LRSAM1: variants seen among roughly 807,000 people sequenced by gnomAD.
LRSAM1 encodes leucine rich repeat and sterile alpha motif containing 1, also known as E3 ubiquitin-protein ligase LRSAM1.
Under a neutral mutation model 118.1 loss-of-function variants are expected in LRSAM1, and 96 were observed. The ratio of observed to expected loss-of-function variants is 0.81; its 90% CI spans 0.69 to 0.96. The LOEUF is 0.96. Ranked by LOEUF, LRSAM1 falls within the 40% of genes least tolerant of loss-of-function variation. The pLI is 0.00. For missense variants in LRSAM1, 804 were observed against 915.5 expected, an observed-to-expected ratio of 0.88 and a Z score of 1.57; for synonymous variants, 322 against 364.2, an observed-to-expected ratio of 0.88 and a Z score of 1.32.
At chr9:127,467,495 G>A (rs868262112) in intron 9 of LRSAM1, among the ~76,000 whole-genome samples, 1 of 152,190 alleles carries the variant, frequency 6.6e-6, no homozygotes, top group East Asian at 1.9e-4. Flanking sequence ...GAGTCTGTCC[G>A]GCTCTCTCTC....
intron 10 of LRSAM1, among the ~76,000 whole-genome samples, chr9:127,468,346 G>A (rs1157995023): frequency 6.6e-6 from 1 of 152,118 alleles, no homozygotes; most frequent in East Asian, 1.9e-4. Flanking sequence ...TGCAGGACAG[G>A]GGACCAGTTA....
intron 9 of LRSAM1, among the ~76,000 whole-genome samples, chr9:127,463,497 G>A (rs560353920): frequency 6.6e-6 from 1 of 152,262 alleles, no homozygotes; most frequent in Admixed American, 6.5e-5. Context: ...TCCTTGGCTT[G>A]TAGGTGCTGT....
At chr9:127,466,483 TATATATATATATATATATA>T (rs1331818208) in intron 9 of LRSAM1, among the ~76,000 whole-genome samples, 2 of 24,846 alleles carry the variant, frequency 8.0e-5, no homozygotes, top group Non-Finnish European at 1.2e-4. Context: ...ATCATATATA[TATATATATATATATATATA>T]TATTTTTTTT....
chr9:127,493,637 T>G, intron 21 of LRSAM1, among the ~76,000 whole-genome samples: 1 of 152,130 alleles, frequency 6.6e-6, no homozygotes, highest in East Asian at 1.9e-4. Context: ...CAGCCATGAG[T>G]ATTCACTCCA....
chr9:127,469,537 A>G (rs1835085618), intron 10 of LRSAM1, among the ~76,000 whole-genome samples: 1 of 151,936 alleles, frequency 6.6e-6, no homozygotes, highest in East Asian at 1.9e-4. Flanking sequence ...GCACAACATC[A>G]TCTTAGTCAA....
At chr9:127,452,203 G>A (rs1834348228) in intron 2 of LRSAM1, 119 bp downstream of exon 2, 2 of 152,452 alleles carry the variant, frequency 1.3e-5, no homozygotes, top group African/African-American at 4.8e-5. Flanking sequence ...ACTGATCTTC[G>A]GGGAGGGGTG....
chr9:127,493,460 T>C (rs900338821), intron 21 of LRSAM1, among the ~76,000 whole-genome samples: 31 of 152,232 alleles, frequency 2.0e-4, no homozygotes, highest in Middle Eastern at 3.2e-3. Context: ...CATACCCTTT[T>C]CGAGCAGCCT....
intron 22 of LRSAM1, 121 bp downstream of exon 22, chr9:127,495,539 A>G (rs982752112): frequency 1.2e-6 from 1 of 830,028 alleles, no homozygotes; most frequent in African/African-American, 1.7e-5. Flanking sequence ...AGCATGCCAG[A>G]TCCTGTGCCA....
intron 10 of LRSAM1, among the ~76,000 whole-genome samples, chr9:127,469,308 A>G (rs1835076097): frequency 6.6e-6 from 1 of 152,056 alleles, no homozygotes. Context: ...CATCTCTACT[A>G]AAAATACAAA....
At chr9:127,497,461 T>G in intron 24 of LRSAM1, 127 bp downstream of exon 24, 5 of 959,648 alleles carry the variant, frequency 5.2e-6, no homozygotes, top group Non-Finnish European at 8.0e-6. Flanking sequence ...TGCTGGTCGG[T>G]AAGGTTTCCT....
intron 9 of LRSAM1, 145 bp downstream of exon 9, chr9:127,462,518 G>A (rs1457529242): frequency 7.8e-7 from 1 of 1,280,362 alleles, no homozygotes; most frequent in Non-Finnish European, 1.1e-6. Context: ...CTTGTAGAGA[G>A]GCCAATGTGT....
Position 127,461,216 on chromosome 9 carries a change from C to G in LRSAM1, c.365C>G (p.Ser122Cys). The part of the protein sequence containing the change: ...ERNQLMQLPR[S>C]IGNLTQLQTL... Reference sequence around the variant, plus strand: ...AATCAACTGATGCAGCTCCCACGTTCCATTGGGAACCTGACCCAGCTCCAG... The same window carrying G: ...AATCAACTGATGCAGCTCCCACGTTGCATTGGGAACCTGACCCAGCTCCAG... The change falls in exon 8 of 26, where the codon TCC becomes TGC. Residue 122 changes from serine (S) to cysteine (C), a missense_variant. Coordinates refer to ENST00000300417, the MANE Select transcript of LRSAM1 (RefSeq NM_001005373.4). The G allele has an allele frequency of 6.2e-7, 1 of 1,612,362 alleles. No homozygotes were observed. The highest frequency in any genetic ancestry group is 8.5e-7 in the Non-Finnish European group (1 of 1,178,794).
intron 18 of LRSAM1, 106 bp from the exon 19 acceptor site, chr9:127,489,338 C>G (rs1835843257): frequency 7.6e-7 from 1 of 1,320,410 alleles, no homozygotes; most frequent in African/African-American, 1.5e-5. Flanking sequence ...AGAAAAAACC[C>G]ATCCATTAAG....
chr9:127,495,706 C>T (rs777407902), intron 22 of LRSAM1, among the ~76,000 whole-genome samples: 1 of 152,098 alleles, frequency 6.6e-6, no homozygotes, highest in Non-Finnish European at 1.5e-5. Flanking sequence ...CCTGCGGGGA[C>T]AGAGAGGCAG....
At position 127,479,983 on chromosome 9, in the gene LRSAM1, G is replaced by A. The variant is rs780868977; in HGVS notation, c.1043+5G>A. The A allele has an allele frequency of 1.2e-5, 20 of 1,614,078 alleles. No individual in the cohort carries two copies. The highest frequency in any genetic ancestry group is 1.5e-5 in the Non-Finnish European group (18 of 1,180,052). ...GCTGCTGCAGGACAATCAGAGGTTG[G>A]GCTCTGCTCCTCGGCCCCAGCCCCA... is the stretch of plus-strand genomic sequence containing the variant. On this transcript the variant is annotated splice_donor_5th_base_variant and intron_variant, in intron 14 of 25. Transcript: ENST00000300417.
intron 10 of LRSAM1, among the ~76,000 whole-genome samples, chr9:127,473,328 C>T (rs1460977082): frequency 1.3e-5 from 2 of 152,164 alleles, no homozygotes; most frequent in Non-Finnish European, 2.9e-5. Flanking sequence ...TTATTAACTA[C>T]AATATATAAA....
At chr9:127,471,524 C>T (rs1056953187) in intron 10 of LRSAM1, among the ~76,000 whole-genome samples, 3 of 147,438 alleles carry the variant, frequency 2.0e-5, no homozygotes, top group Non-Finnish European at 3.0e-5. Context: ...CGGTGGCTCA[C>T]GCCTGTAATC....
intron 5 of LRSAM1, among the ~76,000 whole-genome samples, chr9:127,456,844 C>A (rs1394487107): frequency 6.8e-6 from 1 of 147,700 alleles, no homozygotes; most frequent in Non-Finnish European, 1.5e-5. Flanking sequence ...CCAGCTTGGG[C>A]GACAGAGCAA....
At chr9:127,454,692 C>A in intron 3 of LRSAM1, 93 bp downstream of exon 3, 1 of 1,300,232 alleles carries the variant, frequency 7.7e-7, no homozygotes. Flanking sequence ...AGCCGTGCTC[C>A]TTCCCATCTG....
Sources: gnomAD v4.1 joint callset for allele counts (sites outside exome capture counted in the v4.1 genomes callset) on GRCh38, gnomAD v4.1.1 for gene constraint, MANE v1.5 for transcripts, NCBI Gene and HGNC (gene_info 2026-07-23, HGNC 2026-07-21) for gene names.